Variants in ASXL1 observed in about 807,000 individuals in gnomAD.
ASXL1 encodes the protein ASXL transcriptional regulator 1.
A neutral mutation model predicts 89.1 loss-of-function variants in ASXL1; 65 were observed. That is an observed-to-expected ratio of 0.73 (90% CI 0.60 to 0.90). ASXL1 has a LOEUF of 0.90. Ranked by LOEUF, ASXL1 falls within the 40% of genes least tolerant of loss-of-function variation. The pLI is 0.00. For missense variants in ASXL1, 1,786 were observed against 1,942.9 expected (o/e 0.92, Z 1.52); for synonymous variants, 739 against 746.9 (o/e 0.99, Z 0.17).
chr20:32,388,543 TG>T (rs1442324073), intron 4 of ASXL1, among the ~76,000 whole-genome samples: 3 of 152,236 alleles, frequency 2.0e-5, no homozygotes, highest in African/African-American at 7.2e-5. Flanking sequence ...TAGTGAGTTA[TG>T]TTAATAGATT....
At chr20:32,408,906 A>G (rs561947176) in intron 4 of ASXL1, among the ~76,000 whole-genome samples, 26 of 152,064 alleles carry the variant, frequency 1.7e-4, no homozygotes, top group Admixed American at 3.3e-4. Flanking sequence ...AGTGTTTTAT[A>G]GTTTCCAATG....
At chr20:32,428,000 AG>A in intron 4 of ASXL1, 127 bp from the exon 5 acceptor site, 2 of 1,367,948 alleles carry the variant, frequency 1.5e-6, no homozygotes. Context: ...AAGGTCAGTT[AG>A]AAAGGGTTAG....
At chr20:32,359,304 T>G (rs1310983544) in intron 1 of ASXL1, 1 of 702,526 alleles carries the variant, frequency 1.4e-6, no homozygotes, top group South Asian at 1.5e-5. Flanking sequence ...AGGACGCCAA[T>G]GGCATGTTGA....
At chr20:32,364,839 TACGTGTTCC>T (rs1486628935) in intron 1 of ASXL1, among the ~76,000 whole-genome samples, 1 of 152,238 alleles carries the variant, frequency 6.6e-6, no homozygotes, top group African/African-American at 2.4e-5. Flanking sequence ...TGGCACAAGG[TACGTGTTCC>T]ATGTGTTTGT....
intron 4 of ASXL1, among the ~76,000 whole-genome samples, chr20:32,400,650 C>T (rs550751695): frequency 2.0e-5 from 3 of 152,268 alleles, no homozygotes; most frequent in Admixed American, 2.0e-4. Context: ...TCAGTGAGTA[C>T]CTCTCTAGAT....
At chr20:32,380,719 C>T (rs1172746410) in intron 4 of ASXL1, among the ~76,000 whole-genome samples, 3 of 152,090 alleles carry the variant, frequency 2.0e-5, no homozygotes, top group African/African-American at 7.2e-5. Flanking sequence ...AGACTCTATC[C>T]TGGGCGACTA....
In ASXL1 at chr20:32,435,764, A is replaced by C. The variant is rs560170731; in HGVS notation, c.3052A>C (p.Thr1018Pro). 4 of 1,614,242 alleles carry C rather than the reference A, an allele frequency of 2.5e-6. No homozygotes were observed. In the Admixed American group the frequency reaches 6.7e-5, roughly 27 times the overall value. Reference sequence around the variant, plus strand: ...CACGGAGGACAGCAGTGAGGCTGACACTAGAGAAGCTGCAGTGACAAAGGG... The same window carrying C: ...CACGGAGGACAGCAGTGAGGCTGACCCTAGAGAAGCTGCAGTGACAAAGGG... Reference protein sequence around the residue: ...HLTEDSSEADTREAAVTKGSS... With the variant: ...HLTEDSSEADPREAAVTKGSS... The change falls in exon 13 of 13, where the codon ACT becomes CCT. Residue 1018 changes from threonine to proline, a missense_variant. Transcript: ENST00000375687.
At position 32,364,522 on chromosome 20, in the gene ASXL1, A is replaced by G. The variant is rs565883470; in HGVS notation, c.58-1862A>G. Among the ~76,000 whole-genome samples, 102 of 152,220 alleles carry G rather than the reference A, an allele frequency of 6.7e-4. 1 individual carries two copies. Among genetic ancestry groups the G allele is most frequent in the African/African-American group, 2.4e-3 (99 of 41,532 alleles). On this transcript the variant is annotated intron_variant, in intron 1 of 12. Coordinates refer to ENST00000375687, the MANE Select transcript of ASXL1 (RefSeq NM_015338.6). ...TGTGACCCACTTTACCCAGCCATAT[A>G]TATTTTTTAAATTCTTTAAAGAGAT...
At chr20:32,407,914 G>T (rs1380166499) in intron 4 of ASXL1, among the ~76,000 whole-genome samples, 2 of 151,910 alleles carry the variant, frequency 1.3e-5, no homozygotes, top group African/African-American at 4.8e-5. Context: ...TATATTTTTG[G>T]CTCTTAGGTG....
chr20:32,359,806 T>G (rs1600457748), intron 1 of ASXL1: 1 of 717,960 alleles, frequency 1.4e-6, no homozygotes, highest in Non-Finnish European at 2.6e-6. Flanking sequence ...AATAGCTTCC[T>G]TTTGGATTAC....
rs548592777 is a variant in ASXL1 at position 32,429,509 on chromosome 20, C to T, written c.565+78C>T. The T allele has an allele frequency of 6.6e-5, 94 of 1,425,112 alleles. No homozygotes were observed. Among genetic ancestry groups the T allele is most frequent in the South Asian group, 4.5e-4 (39 of 86,656 alleles). The allele number at this position is 1,425,112 out of a possible 1,614,324, so 88.3% of individuals were successfully genotyped here. A position where few individuals can be genotyped will look rare whatever the true frequency, so the allele number is the denominator to read the frequency against. On this transcript the variant is annotated intron_variant, in intron 7 of 12. Transcript: ENST00000375687. The surrounding 1 kb of genome is among the most constrained non-coding windows in gnomAD (Gnocchi z 4.9). ...GCCTCCCTCTGTCAGCAGTTTCTGA[C>T]CTAATAGTGCGATACTAGGAGAGCT...
chr20:32,374,448 C>T (rs1211213083), intron 4 of ASXL1, among the ~76,000 whole-genome samples: 2 of 152,072 alleles, frequency 1.3e-5, no homozygotes, highest in African/African-American at 4.8e-5. Flanking sequence ...TGCACCACTG[C>T]ACCTAATTAA....
chr20:32,384,198 G>GTTTTTTT (rs71187115), intron 4 of ASXL1, among the ~76,000 whole-genome samples: 2 of 77,304 alleles, frequency 2.6e-5, no homozygotes, highest in African/African-American at 9.5e-5. Context: ...GCAGCAGTCT[G>GTTTTTTT]TTTTTTTTTT....
In ASXL1 at chr20:32,437,165, A is replaced by C; in HGVS notation, c.4453A>C (p.Ser1485Arg). ...CAAAGCAAACTTTGGTGCGAGCCAC[A>C]GTGCATCACTTTCCTTGCAAATGTT... ...SHKANFGASHSASLSLQMFTD... is the reference protein window; with the variant it reads ...SHKANFGASHRASLSLQMFTD... Residue 1485 changes from serine (S) to arginine (R), a missense_variant, in exon 13 of 13, where the codon AGT becomes CGT. Physicochemically the swap from Ser to Arg is moderately radical, Grantham distance 110. Around this residue, in one of 3 missense-constraint regions of ASXL1, gnomAD observed 1,418 missense variants for 1,427.8 expected, o/e 0.99. Coordinates refer to ENST00000375687, the MANE Select transcript of ASXL1 (RefSeq NM_015338.6). The C allele has an allele frequency of 6.2e-7, 1 of 1,613,968 alleles. No individual in the cohort carries two copies. Among genetic ancestry groups the C allele is most frequent in the Non-Finnish European group, 8.5e-7 (1 of 1,179,828 alleles).
At chr20:32,425,098 T>G (rs1342905647) in intron 4 of ASXL1, among the ~76,000 whole-genome samples, 1 of 152,264 alleles carries the variant, frequency 6.6e-6, no homozygotes, top group Admixed American at 6.5e-5. Flanking sequence ...TTTTGAACTT[T>G]TCACAAACGG....
rs1362604855 is a variant in ASXL1 at position 32,434,416 on chromosome 20, A to G, written c.1720-16A>G. The G allele has an allele frequency of 4.3e-6, 7 of 1,613,502 alleles. No individual in the cohort carries two copies. Among genetic ancestry groups the G allele is most frequent in the Non-Finnish European group, 5.9e-6 (7 of 1,179,898 alleles). On this transcript the variant is annotated splice_polypyrimidine_tract_variant and intron_variant, in intron 12 of 12. Transcript: ENST00000375687. ...ACCCAGTCAGTTAAAACTATTTTCT[A>G]ATTCTTTTTTTGCAGATTCAACTTT...
At chr20:32,408,365 A>G (rs2048990172) in intron 4 of ASXL1, among the ~76,000 whole-genome samples, 1 of 152,180 alleles carries the variant, frequency 6.6e-6, no homozygotes, top group South Asian at 2.1e-4. Flanking sequence ...CTTTGTCAAA[A>G]ATCAGTTGAG....
At chr20:32,399,950 C>T (rs1449208740) in intron 4 of ASXL1, among the ~76,000 whole-genome samples, 4 of 151,564 alleles carry the variant, frequency 2.6e-5, no homozygotes, top group Non-Finnish European at 4.4e-5. Flanking sequence ...GTAGTAGAGA[C>T]GGGGTTTCGC....
intron 2 of ASXL1, among the ~76,000 whole-genome samples, chr20:32,367,328 C>T (rs572660958): frequency 1.1e-4 from 17 of 152,148 alleles, no homozygotes; most frequent in East Asian, 7.7e-4. Flanking sequence ...TGCAGTGAGC[C>T]GAGATTGCAC....
Sources: gnomAD v4.1 joint callset for allele counts (sites outside exome capture counted in the v4.1 genomes callset) on GRCh38, gnomAD v4.1.1 for gene constraint, gnomAD v4.1.1 regional missense constraint, Gnocchi (gnomAD v3.1) non-coding constraint, MANE v1.5 for transcripts, NCBI Gene and HGNC (gene_info 2026-07-23, HGNC 2026-07-21) for gene names.